Variants in SRGAP3 observed in about 807,000 individuals in gnomAD.
The protein encoded by SRGAP3 is SLIT-ROBO Rho GTPase activating protein 3.
A neutral mutation model predicts 121.1 loss-of-function variants in SRGAP3; 39 were observed. The observed-to-expected ratio is 0.32, with a 90% CI of 0.25 to 0.42. SRGAP3 has a LOEUF of 0.42. SRGAP3 is among the 10% of genes least tolerant of loss of function. SRGAP3 has a pLI of 1.00. For synonymous variants in SRGAP3, 601 were observed against 570.0 expected (o/e 1.05, Z -0.77); for missense variants, 1,213 against 1,470.6 (o/e 0.82, Z 2.86).
At chr3:9,016,005 GCT>G (rs1371911532) in intron 14 of SRGAP3, 4 of 480,896 alleles carry the variant, frequency 8.3e-6, no homozygotes, top group Non-Finnish European at 1.5e-5. Context: ...TTGATTTCTC[GCT>G]CTTTCTGTAT....
At position 9,010,299 on chromosome 3, in the gene SRGAP3, C is replaced by A; in HGVS notation, c.2227+9G>T. 6.2e-7 allele frequency: 1 copy of A among 1,614,148 alleles called. No homozygotes were observed. Among genetic ancestry groups the A allele is most frequent in the Non-Finnish European group, 8.5e-7 (1 of 1,180,016 alleles). On this transcript the variant is annotated intron_variant, in intron 18 of 21. Coordinates refer to ENST00000383836, the MANE Select transcript of SRGAP3 (RefSeq NM_014850.4). ...AGAATCCCTTGTCCCCAGGATCCCC[C>A]TCACTCACCTTCATCGCTGGTATGA...
intron 1 of SRGAP3, among the ~76,000 whole-genome samples, chr3:9,188,731 G>A (rs1374926124): frequency 6.6e-6 from 1 of 152,056 alleles, no homozygotes; most frequent in Admixed American, 6.6e-5. Flanking sequence ...CTCCTTGATT[G>A]CTTTTCAAAA....
intron 2 of SRGAP3, among the ~76,000 whole-genome samples, chr3:9,120,953 G>A (rs1052064848): frequency 5.9e-5 from 9 of 152,158 alleles, no homozygotes; most frequent in African/African-American, 2.2e-4. Context: ...GCCCAGGTGG[G>A]GAGGGAATGG....
At chr3:9,200,230 T>A (rs1322051931) in intron 1 of SRGAP3, among the ~76,000 whole-genome samples, 1 of 152,214 alleles carries the variant, frequency 6.6e-6, no homozygotes, top group Non-Finnish European at 1.5e-5. Context: ...GTTTTTAAGA[T>A]AAATAAGCTA....
At chr3:9,361,341 C>T (rs1169466351) in intron 1 of SRGAP3, among the ~76,000 whole-genome samples, 8 of 152,090 alleles carry the variant, frequency 5.3e-5, no homozygotes, top group South Asian at 2.1e-4. Context: ...TGAGCTCAAG[C>T]GAGCCACTCA....
intron 1 of SRGAP3, among the ~76,000 whole-genome samples, chr3:9,224,206 A>G (rs1265235978): frequency 6.6e-6 from 1 of 152,164 alleles, no homozygotes; most frequent in Non-Finnish European, 1.5e-5. Context: ...ACTCATTTAG[A>G]CATGAGACTT....
chr3:9,246,043 T>C (rs1238005432), intron 1 of SRGAP3, among the ~76,000 whole-genome samples: 1 of 152,236 alleles, frequency 6.6e-6, no homozygotes, highest in Non-Finnish European at 1.5e-5. Context: ...GGTTTACTAC[T>C]GCTTCATAAT....
chr3:9,290,474 G>A (rs1245950474), intron 3 of SRGAP3, among the ~76,000 whole-genome samples: 10 of 152,148 alleles, frequency 6.6e-5, no homozygotes, highest in Non-Finnish European at 1.5e-4. Context: ...AGGCAATGAG[G>A]GGCCCTAAAT....
intron 3 of SRGAP3, among the ~76,000 whole-genome samples, chr3:9,275,777 C>A (rs977659906): frequency 2.6e-5 from 4 of 152,154 alleles, no homozygotes; most frequent in African/African-American, 9.7e-5. Context: ...ACCTCTTTTT[C>A]TTTAAAAATT....
chr3:9,336,502 A>G (rs1955696731), intron 1 of SRGAP3, among the ~76,000 whole-genome samples: 1 of 151,770 alleles, frequency 6.6e-6, no homozygotes. Context: ...GGCATGAGAC[A>G]CCATGCCTGG....
intron 18 of SRGAP3, among the ~76,000 whole-genome samples, chr3:8,994,751 G>A (rs1222224265): frequency 2.0e-5 from 3 of 152,194 alleles, no homozygotes; most frequent in Non-Finnish European, 4.4e-5. Flanking sequence ...AATGTAAAGA[G>A]GGAGCTGATA....
chr3:9,045,615 A>G (rs1205148665), intron 10 of SRGAP3, among the ~76,000 whole-genome samples: 3 of 152,144 alleles, frequency 2.0e-5, no homozygotes, highest in Non-Finnish European at 4.4e-5. Context: ...AATGGCGGCA[A>G]TGAAAGCTGC....
chr3:9,171,030 C>T (rs548088116), intron 1 of SRGAP3, among the ~76,000 whole-genome samples: 9 of 152,330 alleles, frequency 5.9e-5, no homozygotes, highest in South Asian at 4.1e-4. Flanking sequence ...AGTCAGCTTC[C>T]GCCAGCTGTG....
At chr3:9,075,280 G>A (rs12107238) in intron 4 of SRGAP3, among the ~76,000 whole-genome samples, 6,437 of 152,270 alleles carry the variant, frequency 0.042, 471 homozygotes, top group African/African-American at 0.15. Context: ...ATATGTGTGC[G>A]CACGCTTGCA....
chr3:9,230,939 G>A (rs1230177526), intron 1 of SRGAP3, among the ~76,000 whole-genome samples: 1 of 151,818 alleles, frequency 6.6e-6, no homozygotes, highest in Non-Finnish European at 1.5e-5. Flanking sequence ...AGCTGAGATC[G>A]GTCCCCTGTC....
chr3:9,191,825 C>T (rs1439513467), intron 1 of SRGAP3, among the ~76,000 whole-genome samples: 1 of 152,168 alleles, frequency 6.6e-6, no homozygotes, highest in Middle Eastern at 3.2e-3. Context: ...CCCCTTGGTA[C>T]TGTTTTCACC....
intron 1 of SRGAP3, chr3:9,348,538 A>G: frequency 1.3e-6 from 1 of 762,876 alleles, no homozygotes; most frequent in East Asian, 2.5e-5. Flanking sequence ...ACCTGAGCCC[A>G]GCGGGCCATA....
intron 1 of SRGAP3, among the ~76,000 whole-genome samples, chr3:9,151,141 G>A (rs950075670): frequency 6.6e-6 from 1 of 152,212 alleles, no homozygotes; most frequent in Non-Finnish European, 1.5e-5. Flanking sequence ...GGGTGGCAAA[G>A]AGATTCAAAT....
In SRGAP3 at chr3:9,058,401, C is replaced by A. The variant is rs1293234117; in HGVS notation, c.873G>T (p.Leu291=). The A allele has an allele frequency of 1.3e-5, 21 of 1,614,180 alleles. No homozygotes were observed. In the South Asian group the frequency reaches 2.1e-4, roughly 16 times the overall value. The stretch of plus-strand genomic sequence containing the variant: ...CCAGCCCTTCGTGGCGAGAGGTCTC[C>A]AGGTTGTATTCAGCTGAGAGATAGG... ...FRTYLSAEYN[L]ETSRHEGLDV... is the part of the protein sequence containing the mutation. Residue 291 remains leucine (L), a synonymous_variant, in exon 7 of 22, where the codon CTG becomes CTT. Transcript: ENST00000383836.
Sources: gnomAD v4.1 joint callset for allele counts (sites outside exome capture counted in the v4.1 genomes callset) on GRCh38, gnomAD v4.1.1 for gene constraint, MANE v1.5 for transcripts, NCBI Gene and HGNC (gene_info 2026-07-23, HGNC 2026-07-21) for gene names.